Variants in INSR observed in about 807,000 individuals in gnomAD.
INSR encodes IR.
Under a neutral mutation model 142.6 loss-of-function variants are expected in INSR, and 67 were observed. The ratio of observed to expected loss-of-function variants is 0.47; its 90% CI spans 0.39 to 0.58. The LOEUF (loss-of-function observed/expected upper bound fraction) is 0.58, where lower values mean the gene tolerates loss of function less well. INSR is among the 20% of genes least tolerant of loss of function. INSR has a pLI of 0.00. For missense variants in INSR, 1,248 were observed against 1,833.2 expected (o/e 0.68, Z 5.83); for synonymous variants, 756 against 743.1 (o/e 1.02, Z -0.28).
chr19:7,278,246 C>T (rs1968116309), intron 1 of INSR, among the ~76,000 whole-genome samples: 1 of 152,128 alleles, frequency 6.6e-6, no homozygotes, highest in Admixed American at 6.6e-5. Flanking sequence ...TGAAAGAGGA[C>T]TGTGATGAAA....
intron 3 of INSR, among the ~76,000 whole-genome samples, chr19:7,175,911 C>T (rs910243244): frequency 6.6e-6 from 1 of 151,984 alleles, no homozygotes; most frequent in Non-Finnish European, 1.5e-5. Flanking sequence ...AGAAAAGAAC[C>T]ACTGCCTTAA....
chr19:7,227,949 C>T (rs1213127835), intron 2 of INSR, among the ~76,000 whole-genome samples: 1 of 151,832 alleles, frequency 6.6e-6, no homozygotes, highest in Non-Finnish European at 1.5e-5. Context: ...CATATTTCAA[C>T]ACAGAAACCA....
rs867954626 is a variant in INSR at position 7,225,235 on chromosome 19, C to T, written c.653-40598G>A. ...CATGGTCACACAGCTATTGAGCGGC[C>T]GAGCCACAAGAAGACACTTGCTCCA... is the stretch of plus-strand genomic sequence containing the variant. On this transcript the variant is annotated intron_variant, in intron 2 of 21. Coordinates refer to ENST00000302850, the MANE Select transcript of INSR (RefSeq NM_000208.4). This position sits in a 1 kb window ranked among gnomAD's most constrained non-coding sequence, Gnocchi z 4.7. Among the ~76,000 whole-genome samples the T allele has an allele frequency of 2.0e-4, 31 of 152,064 alleles. No homozygotes were observed. The South Asian group carries it at 5.4e-3, about 26-fold the overall frequency.
intron 3 of INSR, among the ~76,000 whole-genome samples, chr19:7,183,992 G>A (rs1014723727): frequency 6.7e-6 from 1 of 148,238 alleles, no homozygotes; most frequent in Admixed American, 6.8e-5. Context: ...CCAGGAGGCA[G>A]AGGTTGCAGT....
chr19:7,205,067 A>AGTTG (rs1975071419), intron 2 of INSR, among the ~76,000 whole-genome samples: 2 of 152,200 alleles, frequency 1.3e-5, no homozygotes, highest in Admixed American at 1.3e-4. Context: ...TTGGGCAACA[A>AGTTG]AAGTGAAACT....
intron 2 of INSR, among the ~76,000 whole-genome samples, chr19:7,191,515 A>G (rs1974588629): frequency 6.6e-6 from 1 of 152,074 alleles, no homozygotes; most frequent in African/African-American, 2.4e-5. Flanking sequence ...ACAGAATGTG[A>G]AAAGCTCCAC....
chr19:7,288,000 G>A (rs8111943), intron 1 of INSR, among the ~76,000 whole-genome samples: 4,638 of 152,266 alleles, frequency 0.03, 249 homozygotes, highest in African/African-American at 0.11. Flanking sequence ...TACAAAAACC[G>A]TGGGATTTGG....
intron 2 of INSR, among the ~76,000 whole-genome samples, chr19:7,209,704 A>T (rs747769505): frequency 1.3e-5 from 2 of 152,032 alleles, no homozygotes; most frequent in Non-Finnish European, 2.9e-5. Flanking sequence ...GTGAGCCATG[A>T]CGCCTGGCCA....
intron 3 of INSR, 124 bp from the exon 4 acceptor site, chr19:7,174,855 G>T (rs540077718): frequency 4.1e-6 from 4 of 986,736 alleles, no homozygotes; most frequent in Non-Finnish European, 6.0e-6. Context: ...GTGTGTGTGT[G>T]TTTGTGTGAC....
At chr19:7,207,901 A>AAAAGAAGGAAGGAAGGAAGG (rs1975149312) in intron 2 of INSR, among the ~76,000 whole-genome samples, 1 of 72,746 alleles carries the variant, frequency 1.4e-5, no homozygotes, top group Admixed American at 1.8e-4. Flanking sequence ...GGAAGGAAGG[A>AAAAGAAGGAAGGAAGGAAGG]AAGGAAGGAA....
At chr19:7,127,880 A>C (rs1972683605) in intron 15 of INSR, among the ~76,000 whole-genome samples, 1 of 151,804 alleles carries the variant, frequency 6.6e-6, no homozygotes, top group Admixed American at 6.6e-5. Context: ...AGAAGCTGGG[A>C]TTACAGGCGC....
intron 2 of INSR, among the ~76,000 whole-genome samples, chr19:7,248,754 A>ATTTTTTTTTTTTTTTTTTTTTTTTTTTTT (rs552940485): frequency 1.0e-5 from 1 of 97,290 alleles, no homozygotes; most frequent in Non-Finnish European, 1.9e-5. Flanking sequence ...GTTGGCCAGA[A>ATTTTTTTTTTTTTTTTTTTTTTTTTTTTT]TTTTTTTTTT....
rs1290314056 is a variant in INSR, at chr19:7,166,260, G to A, written c.1755C>T (p.Pro585=). The change falls in exon 8 of 22, where the codon CCC becomes CCT. Residue 585 remains proline (P), a synonymous_variant. Transcript: ENST00000302850. This position sits in a 1 kb window ranked among gnomAD's most constrained non-coding sequence, Gnocchi z 4.1. ...TCACAAAGATGGCATACTGGGTCCA[G>A]GGCTTGAGACCCCGCATCAGCCACC... ...HPGWLMRGLK[P]WTQYAIFVKT... 3.1e-6 allele frequency: 5 copies of A among 1,614,038 alleles called. No individual in the cohort carries two copies. Among genetic ancestry groups the A allele is most frequent in the Non-Finnish European group, 3.4e-6 (4 of 1,180,046 alleles).
Position 7,150,552 on chromosome 19 carries a change from G to A in INSR, c.2232-20C>T, listed in dbSNP as rs773208347. On this transcript the variant is annotated intron_variant, in intron 10 of 21. Transcript: ENST00000302850. The surrounding 1 kb of genome is among the most constrained non-coding windows in gnomAD (Gnocchi z 4.2). ...GTTTTTCTGTGGAAACAAAACCAAC[G>A]CCTTTGAGGACAGAGGGAACTTCAT... 9 of 1,613,614 alleles carry A rather than the reference G, an allele frequency of 5.6e-6. No individual in the cohort carries two copies. The highest frequency in any genetic ancestry group is 3.3e-4 in the Middle Eastern group (2 of 6,082).
chr19:7,153,215 ACACACACG>A (rs1973463142), intron 9 of INSR, among the ~76,000 whole-genome samples: 2 of 41,184 alleles, frequency 4.9e-5, no homozygotes, highest in Admixed American at 3.1e-4. Flanking sequence ...ACCACACACC[ACACACACG>A]CACCACACAC....
intron 13 of INSR, among the ~76,000 whole-genome samples, chr19:7,134,371 C>T (rs1972856448): frequency 6.6e-6 from 1 of 152,096 alleles, no homozygotes; most frequent in Non-Finnish European, 1.5e-5. Context: ...TCTGTCACAT[C>T]AGAACCAAAT....
In INSR at chr19:7,122,863, C is replaced by T; in HGVS notation, c.3369+16G>A. On this transcript the variant is annotated intron_variant, in intron 18 of 21. Coordinates refer to ENST00000302850, the MANE Select transcript of INSR (RefSeq NM_000208.4). Reference sequence around the variant, plus strand: ...GCTCCACCGAGTACCCCGCTGGGTCCCCCGAAGCAGCTTACCTCAGCCTCT... The same window carrying T: ...GCTCCACCGAGTACCCCGCTGGGTCTCCCGAAGCAGCTTACCTCAGCCTCT... 6.2e-7 allele frequency: 1 copy of T among 1,609,724 alleles called. No individual in the cohort carries two copies. The highest frequency in any genetic ancestry group is 8.5e-7 in the Non-Finnish European group (1 of 1,178,016).
At chr19:7,230,256 G>T (rs1221251891) in intron 2 of INSR, among the ~76,000 whole-genome samples, 3 of 152,188 alleles carry the variant, frequency 2.0e-5, no homozygotes, top group African/African-American at 7.2e-5. Context: ...CTCAGTAATT[G>T]ATCAGGTGTA....
chr19:7,237,930 C>A lies in INSR; in HGVS notation c.652+29415G>T, dbSNP rs555761674. ...AGCAATGTGAGAATGAACTAATATC[C>A]TCTCATCCCAAAATCAAAATGTTCA... On this transcript the variant is annotated intron_variant, in intron 2 of 21. Transcript: ENST00000302850. Among the ~76,000 whole-genome samples the A allele has an allele frequency of 5.3e-5, 8 of 152,160 alleles. No individual in the cohort carries two copies. The South Asian group carries it at 1.7e-3, about 32-fold the overall frequency.
Sources: allele counts gnomAD v4.1 joint callset (sites outside exome capture counted in the v4.1 genomes callset), GRCh38; gene constraint gnomAD v4.1.1; non-coding constraint Gnocchi (gnomAD v3.1); transcripts MANE v1.5; gene names NCBI Gene and HGNC (gene_info 2026-07-23, HGNC 2026-07-21).